The following SEPTIN9 variants were observed in gnomAD, a reference collection of about 807,000 sequenced individuals.
SEPTIN9 encodes septin-9.
A neutral mutation model predicts 56.6 loss-of-function variants in SEPTIN9; 13 were observed. That is an observed-to-expected ratio of 0.23 (90% confidence interval 0.15 to 0.37). The LOEUF is 0.37. Ranked by LOEUF, SEPTIN9 falls within the 10% of genes least tolerant of loss-of-function variation. SEPTIN9 has a pLI of 1.00. For synonymous variants in SEPTIN9, 332 were observed against 334.1 expected (o/e 0.99, Z 0.07); for missense variants, 650 against 823.1 (o/e 0.79, Z 2.57).
intron 1 of SEPTIN9, among the ~76,000 whole-genome samples, chr17:77,286,120 G>A (rs1295310635): frequency 2.6e-5 from 4 of 152,226 alleles, no homozygotes; most frequent in South Asian, 2.1e-4. Context: ...AAGCCACCTC[G>A]TACGGTTAGT....
Position 77,365,139 on chromosome 17 carries a change from C to T in SEPTIN9, c.77-36920C>T, listed in dbSNP as rs79404836. On this transcript the variant is annotated intron_variant, in intron 2 of 11. Coordinates refer to ENST00000427177, the MANE Select transcript of SEPTIN9 (RefSeq NM_001113491.2). ...GGCTGATGCCCCACATTCCAGGCCCCCAGAAAGAGCCGCCACCCACCCACA... is the reference window on the plus strand; with the variant it reads ...GGCTGATGCCCCACATTCCAGGCCCTCAGAAAGAGCCGCCACCCACCCACA... Among the ~76,000 whole-genome samples the T allele has an allele frequency of 0.019, 2,843 of 152,212 alleles. 129 individuals are homozygous for T. In the East Asian group the frequency reaches 0.19, roughly 10 times the overall value.
intron 2 of SEPTIN9, chr17:77,373,505 A>T (rs1389402668): frequency 5.2e-6 from 8 of 1,540,048 alleles, no homozygotes; most frequent in Non-Finnish European, 7.0e-6. Flanking sequence ...ATCATGTCGG[A>T]CCCCGCGGTC....
intron 4 of SEPTIN9, among the ~76,000 whole-genome samples, chr17:77,485,267 T>TGGC (rs2039723237): frequency 9.0e-6 from 1 of 111,180 alleles, no homozygotes; most frequent in African/African-American, 4.0e-5. Context: ...ATTGTGATGG[T>TGGC]GATGTGGGTG....
chr17:77,281,575 G>C lies in SEPTIN9; in HGVS notation c.19+21G>C, dbSNP rs1408953218. 1.1e-5 allele frequency: 17 copies of C among 1,536,012 alleles called. No individual in the cohort carries two copies. The Admixed American group carries it at 3.4e-4, about 30-fold the overall frequency. ...CTCAGGTGGGCTTCGCGCCCGGGGT[G>C]GGGAGGGGTCGGTGTCCCGGGACCA... On this transcript the variant is annotated intron_variant, in intron 1 of 11. Transcript: ENST00000427177.
At chr17:77,379,336 C>T (rs1026357543) in intron 2 of SEPTIN9, among the ~76,000 whole-genome samples, 3 of 151,850 alleles carry the variant, frequency 2.0e-5, no homozygotes, top group Admixed American at 6.6e-5. Flanking sequence ...CCACGGTGCC[C>T]GGTACACAGT....
intron 3 of SEPTIN9, among the ~76,000 whole-genome samples, chr17:77,458,705 CGGGCTG>C (rs1250347153): frequency 6.6e-6 from 1 of 152,144 alleles, no homozygotes; most frequent in Non-Finnish European, 1.5e-5. Flanking sequence ...ATGGCAGCCA[CGGGCTG>C]AGTGGCGGGC....
intron 3 of SEPTIN9, among the ~76,000 whole-genome samples, chr17:77,439,495 G>C (rs564196809): frequency 6.6e-6 from 1 of 152,324 alleles, no homozygotes; most frequent in East Asian, 1.9e-4. Context: ...AGGGGTCCTA[G>C]AGAACTTGGC....
At chr17:77,331,859 TAGG>T (rs1372712786) in intron 2 of SEPTIN9, among the ~76,000 whole-genome samples, 1 of 152,202 alleles carries the variant, frequency 6.6e-6, no homozygotes, top group Non-Finnish European at 1.5e-5. Flanking sequence ...GAAGCTGAGT[TAGG>T]GGGAAAGGGG....
chr17:77,382,336 G>A (rs2035173675), intron 2 of SEPTIN9, among the ~76,000 whole-genome samples: 1 of 152,218 alleles, frequency 6.6e-6, no homozygotes. Context: ...GCCTTCTCTT[G>A]CCATTTCTGC....
At chr17:77,315,184 A>G (rs2032651905) in intron 2 of SEPTIN9, among the ~76,000 whole-genome samples, 1 of 152,022 alleles carries the variant, frequency 6.6e-6, no homozygotes, top group South Asian at 2.1e-4. Flanking sequence ...ACAGGAGTGG[A>G]GGGGGCAACC....
intron 3 of SEPTIN9, chr17:77,469,741 C>T (rs184628555): frequency 2.6e-5 from 4 of 152,134 alleles, no homozygotes; most frequent in South Asian, 2.1e-4. Flanking sequence ...TGAATAGGCT[C>T]CATGTACCTA....
At position 77,482,288 on chromosome 17, in the gene SEPTIN9, G is replaced by A. The variant is rs587781247; in HGVS notation, c.866G>A (p.Arg289His). 1.2e-5 allele frequency: 20 copies of A among 1,613,090 alleles called. No individual in the cohort carries two copies. Among genetic ancestry groups the A allele is most frequent in the Admixed American group, 3.3e-5 (2 of 60,010 alleles). ...ATTGACTCCATCCTGGAGCAGATGC[G>A]CCGGAAGGCCATGAAGCAGGGCTTC... is the stretch of plus-strand genomic sequence containing the variant. Reference protein sequence around the residue: ...VGIDSILEQMRRKAMKQGFEF... With the variant: ...VGIDSILEQMHRKAMKQGFEF... The change falls in exon 4 of 12, where the codon CGC becomes CAC. Residue 289 changes from arginine to histidine, a missense_variant. By Grantham distance (29) the Arg-to-His change is conservative. Coordinates refer to ENST00000427177, the MANE Select transcript of SEPTIN9 (RefSeq NM_001113491.2).
At position 77,435,655 on chromosome 17, in the gene SEPTIN9, G is replaced by C. The variant is rs575968836; in HGVS notation, c.721+32952G>C. ...GACACAGAATGAAGCAGCTAGGGGA[G>C]GCGGACGCTTTGGCACGAGGGTGGC... On this transcript the variant is annotated intron_variant, in intron 3 of 11. Coordinates refer to ENST00000427177, the MANE Select transcript of SEPTIN9 (RefSeq NM_001113491.2). This position sits in a 1 kb window ranked among gnomAD's most constrained non-coding sequence, Gnocchi z 4.5. Among the ~76,000 whole-genome samples the C allele has an allele frequency of 1.3e-5, 2 of 152,352 alleles. No homozygotes were observed. The highest frequency in any genetic ancestry group is 4.1e-4 in the South Asian group (2 of 4,832).
chr17:77,367,844 T>C lies in SEPTIN9; in HGVS notation c.77-34215T>C, dbSNP rs1262401469. 6.6e-6 allele frequency among the ~76,000 whole-genome samples: 1 copy of C among 151,764 alleles called. No homozygotes were observed. The highest frequency in any genetic ancestry group is 1.5e-5 in the Non-Finnish European group (1 of 67,958). The stretch of plus-strand genomic sequence containing the variant: ...ATAATAATGCTAATAATAAATAAAA[T>C]AATAATAATAAAATAATAAAAGCAA... On this transcript the variant is annotated intron_variant, in intron 2 of 11. Transcript: ENST00000427177. This position sits in a 1 kb window ranked among gnomAD's most constrained non-coding sequence, Gnocchi z 4.5.
intron 1 of SEPTIN9, among the ~76,000 whole-genome samples, chr17:77,292,565 C>T (rs1264285966): frequency 6.6e-6 from 1 of 151,908 alleles, no homozygotes; most frequent in Non-Finnish European, 1.5e-5. Flanking sequence ...GAGATCCCAG[C>T]TCACTGCAAC....
At chr17:77,311,357 C>A (rs752334590) in intron 2 of SEPTIN9, among the ~76,000 whole-genome samples, 3 of 152,064 alleles carry the variant, frequency 2.0e-5, no homozygotes, top group Non-Finnish European at 4.4e-5. Flanking sequence ...TCCATTATGG[C>A]AGCCACAGGA....
At chr17:77,336,446 T>C (rs2033556919) in intron 2 of SEPTIN9, among the ~76,000 whole-genome samples, 1 of 152,246 alleles carries the variant, frequency 6.6e-6, no homozygotes, top group African/African-American at 2.4e-5. Flanking sequence ...CATTGTTTTG[T>C]AGTTTTCAAG....
chr17:77,494,508 C>T lies in SEPTIN9; in HGVS notation c.1573+1432C>T, dbSNP rs184786617. Among the ~76,000 whole-genome samples the T allele has an allele frequency of 7.1e-4, 108 of 152,308 alleles. 2 individuals are homozygous for T. Among genetic ancestry groups the T allele is most frequent in the Admixed American group, 4.7e-3 (72 of 15,294 alleles). On this transcript the variant is annotated intron_variant, in intron 10 of 11. Transcript: ENST00000427177. ...GTTTTCATCATCCACAAAGTGGGTG[C>T]AGTGTGCCAAGATTTTAGTGAGTTG... is the stretch of plus-strand genomic sequence containing the variant.
At chr17:77,291,844 G>C (rs2031570996) in intron 1 of SEPTIN9, among the ~76,000 whole-genome samples, 1 of 152,196 alleles carries the variant, frequency 6.6e-6, no homozygotes, top group Non-Finnish European at 1.5e-5. Flanking sequence ...ATTAAGAAAA[G>C]ATTGCGCATG....
Sources: allele counts gnomAD v4.1 joint callset (sites outside exome capture counted in the v4.1 genomes callset), GRCh38; gene constraint gnomAD v4.1.1; non-coding constraint Gnocchi (gnomAD v3.1); transcripts MANE v1.5; gene names NCBI Gene and HGNC (gene_info 2026-07-23, HGNC 2026-07-21).